TNIK: variants seen among roughly 807,000 people sequenced by gnomAD.
TNIK encodes TRAF2 and NCK interacting kinase, also known as TRAF2 and NCK-interacting protein kinase.
In TNIK, 49 loss-of-function variants were observed where a neutral mutation model predicts 191.3. The ratio of observed to expected loss-of-function variants is 0.26; its 90% CI spans 0.20 to 0.32. The LOEUF is 0.32. Ranked by LOEUF, TNIK falls within the 10% of genes least tolerant of loss-of-function variation. TNIK has a pLI of 1.00. For missense variants in TNIK, 1,155 were observed against 1,702.3 expected, an observed-to-expected ratio of 0.68 and a Z score of 5.66; for synonymous variants, 594 against 600.9, an observed-to-expected ratio of 0.99 and a Z score of 0.17.
Position 171,161,169 on chromosome 3 carries a change from T to C in TNIK, c.1016+101A>G, listed in dbSNP as rs1438781471. 6 of 1,225,660 alleles carry C rather than the reference T, an allele frequency of 4.9e-6. No individual in the cohort carries two copies. In the East Asian group the frequency reaches 1.2e-4, roughly 25 times the overall value. 75.9% of individuals were successfully genotyped at this position (1,225,660 alleles called of 1,614,324 possible). ...AATAAATTAAATAAGACCACCCTGGTGGATTCTTAAAAACGAACCTATAAA... is the reference window on the plus strand; with the variant it reads ...AATAAATTAAATAAGACCACCCTGGCGGATTCTTAAAAACGAACCTATAAA... On this transcript the variant is annotated intron_variant, in intron 11 of 32. Coordinates refer to ENST00000436636, the MANE Select transcript of TNIK (RefSeq NM_015028.4).
At chr3:171,440,620 G>A (rs933120087) in intron 1 of TNIK, among the ~76,000 whole-genome samples, 1 of 152,214 alleles carries the variant, frequency 6.6e-6, no homozygotes, top group Admixed American at 6.5e-5. Flanking sequence ...AGCCTATGCT[G>A]TAAGTCACGA....
chr3:171,435,694 C>T (rs1279358963), intron 1 of TNIK, among the ~76,000 whole-genome samples: 2 of 152,114 alleles, frequency 1.3e-5, no homozygotes, highest in Non-Finnish European at 2.9e-5. Context: ...TAATAGACTT[C>T]CTAAGACAGA....
chr3:171,144,207 T>C (rs544463937), intron 12 of TNIK, among the ~76,000 whole-genome samples: 117 of 152,354 alleles, frequency 7.7e-4, no homozygotes, highest in African/African-American at 2.6e-3. Context: ...TTCCTTAAAA[T>C]TGGACATTCA....
At chr3:171,235,096 C>T (rs189782738) in intron 2 of TNIK, among the ~76,000 whole-genome samples, 2 of 152,068 alleles carry the variant, frequency 1.3e-5, no homozygotes, top group East Asian at 3.9e-4. Context: ...GGCTGGAGTA[C>T]AGTGGCGCTG....
chr3:171,376,968 T>A (rs1470733742), intron 1 of TNIK, among the ~76,000 whole-genome samples: 1 of 152,210 alleles, frequency 6.6e-6, no homozygotes, highest in African/African-American at 2.4e-5. Flanking sequence ...ATATTCCAGT[T>A]TTCTTCATCT....
intron 28 of TNIK, among the ~76,000 whole-genome samples, chr3:171,074,954 A>C (rs1719699750): frequency 2.0e-5 from 3 of 152,244 alleles, no homozygotes; most frequent in Admixed American, 6.5e-5. Context: ...GTGGATATAG[A>C]TCAGCCTACT....
intron 21 of TNIK, chr3:171,101,860 TGA>T: frequency 2.0e-6 from 1 of 511,290 alleles, no homozygotes; most frequent in Non-Finnish European, 3.4e-6. Context: ...ATAGCTAGAC[TGA>T]GACTGTTCAG....
intron 2 of TNIK, among the ~76,000 whole-genome samples, chr3:171,281,831 C>A (rs144109641): frequency 6.6e-6 from 1 of 152,178 alleles, no homozygotes; most frequent in Non-Finnish European, 1.5e-5. Flanking sequence ...TTTGAATGAG[C>A]TTTGGAAGTG....
chr3:171,118,614 G>C (rs1376642872), intron 18 of TNIK, among the ~76,000 whole-genome samples: 1 of 152,124 alleles, frequency 6.6e-6, no homozygotes, highest in East Asian at 1.9e-4. Context: ...GAACAGAACA[G>C]AGCCCTCAGA....
At chr3:171,216,171 C>T (rs1287056915) in intron 3 of TNIK, among the ~76,000 whole-genome samples, 1 of 152,098 alleles carries the variant, frequency 6.6e-6, no homozygotes, top group Admixed American at 6.6e-5. Flanking sequence ...TTGAAGGGAT[C>T]GTCACTATGA....
chr3:171,342,359 G>A (rs1757623727), intron 2 of TNIK, among the ~76,000 whole-genome samples: 1 of 152,226 alleles, frequency 6.6e-6, no homozygotes, highest in South Asian at 2.1e-4. Context: ...GAAACAACCT[G>A]AGTCTCAGTG....
chr3:171,247,262 C>T (rs1281335522), intron 2 of TNIK, among the ~76,000 whole-genome samples: 2 of 152,228 alleles, frequency 1.3e-5, no homozygotes, highest in Non-Finnish European at 2.9e-5. Flanking sequence ...CATCTGTCCT[C>T]TACCAAGATT....
chr3:171,131,317 G>A (rs1414248260), intron 15 of TNIK, among the ~76,000 whole-genome samples: 4 of 106,796 alleles, frequency 3.7e-5, no homozygotes, highest in South Asian at 3.4e-4. Flanking sequence ...CAGCCTGGGC[G>A]ACAGAGCGAG....
At chr3:171,120,508 A>G (rs1727550736) in intron 18 of TNIK, among the ~76,000 whole-genome samples, 1 of 151,956 alleles carries the variant, frequency 6.6e-6, no homozygotes, top group African/African-American at 2.4e-5. Context: ...TTTAGTAGAG[A>G]CGGGGTTTCA....
intron 2 of TNIK, among the ~76,000 whole-genome samples, chr3:171,359,392 A>G (rs1714642096): frequency 6.6e-6 from 1 of 152,244 alleles, no homozygotes; most frequent in African/African-American, 2.4e-5. Flanking sequence ...TGATATGGTT[A>G]TTATTATCAT....
intron 1 of TNIK, among the ~76,000 whole-genome samples, chr3:171,386,608 G>A (rs941525772): frequency 6.6e-6 from 1 of 152,142 alleles, no homozygotes. Context: ...CACAATAAAT[G>A]CTTCTTATTT....
intron 23 of TNIK, among the ~76,000 whole-genome samples, chr3:171,092,936 C>T (rs957239181): frequency 1.3e-5 from 2 of 152,048 alleles, no homozygotes; most frequent in African/African-American, 2.4e-5. Flanking sequence ...AATTCATTTC[C>T]GAGGAGAGAG....
chr3:171,188,976 G>A (rs1278374304), intron 6 of TNIK, 144 bp from the exon 7 acceptor site: 3 of 986,194 alleles, frequency 3.0e-6, no homozygotes, highest in African/African-American at 3.3e-5. Flanking sequence ...CATTTCTGGG[G>A]CACTAAGCAC....
rs1349912797 is a variant in TNIK, at chr3:171,415,987, AAAAAAAAAAAG to A, written c.57+44009_57+44019del. Among the ~76,000 whole-genome samples, 91 of 147,912 alleles carry A rather than the reference AAAAAAAAAAAG, an allele frequency of 6.2e-4. 1 individual carries two copies. Among genetic ancestry groups the A allele is most frequent in the Middle Eastern group, 3.4e-3 (1 of 290 alleles). On this transcript the variant is annotated intron_variant, in intron 1 of 32. Transcript: ENST00000436636. The stretch of plus-strand genomic sequence containing the variant: ...CGAGACTGTCTCAAAAAAAAAAAAA[AAAAAAAAAAAG>A]AAAGAAAAAGAAAGAAAGGAAGAAA...
Sources: gnomAD v4.1 joint callset for allele counts (sites outside exome capture counted in the v4.1 genomes callset) on GRCh38, gnomAD v4.1.1 for gene constraint, MANE v1.5 for transcripts, NCBI Gene and HGNC (gene_info 2026-07-23, HGNC 2026-07-21) for gene names.